The following LINGO2 variants were observed in gnomAD, a reference collection of about 807,000 sequenced individuals.
LINGO2 encodes the protein leucine rich repeat and Ig domain containing 2.
In LINGO2, 14 loss-of-function variants were observed where a neutral mutation model predicts 30.6. That is an observed-to-expected ratio of 0.46 (90% CI 0.30 to 0.72). The LOEUF (loss-of-function observed/expected upper bound fraction) is 0.72. Among genes scored for constraint, LINGO2 ranks in the 30% least tolerant of loss-of-function variants. LINGO2 has a pLI of 0.07. For missense variants in LINGO2, 729 were observed against 751.7 expected (o/e 0.97, Z 0.35); for synonymous variants, 317 against 288.5 (o/e 1.10, Z -1.00).
intron 4 of LINGO2, among the ~76,000 whole-genome samples, chr9:28,053,123 A>G (rs1045121245): frequency 6.8e-6 from 1 of 147,836 alleles, no homozygotes; most frequent in African/African-American, 2.7e-5. Context: ...AGGTATAATG[A>G]GAGTCATAGG....
the LINGO2 span, among the ~76,000 whole-genome samples, chr9:28,811,243 A>G: frequency 6.6e-6 from 1 of 152,074 alleles, no homozygotes; most frequent in Non-Finnish European, 1.5e-5. Flanking sequence ...ACTCCAAATC[A>G]TATCTTGAAA....
chr9:28,577,473 T>A (rs1261210745), intron 1 of LINGO2, among the ~76,000 whole-genome samples: 2 of 152,010 alleles, frequency 1.3e-5, no homozygotes, highest in Non-Finnish European at 2.9e-5. Flanking sequence ...CAGCAACCAT[T>A]CCCTAACCCA....
chr9:27,985,066 A>G (rs1821060582), intron 5 of LINGO2, among the ~76,000 whole-genome samples: 1 of 151,888 alleles, frequency 6.6e-6, no homozygotes, highest in Non-Finnish European at 1.5e-5. Flanking sequence ...TTTTAGTTTA[A>G]CAGTTTAGGT....
At chr9:28,892,571 C>G in the LINGO2 span, among the ~76,000 whole-genome samples, 2 of 151,838 alleles carry the variant, frequency 1.3e-5, no homozygotes, top group Non-Finnish European at 2.9e-5. Context: ...AGCAACTTAA[C>G]ATGTAAATAA....
At chr9:28,687,401 A>G in the LINGO2 span, among the ~76,000 whole-genome samples, 3 of 152,136 alleles carry the variant, frequency 2.0e-5, no homozygotes, top group Admixed American at 1.3e-4. Context: ...AGTTTCAACT[A>G]AACAGTCATG....
the LINGO2 span, among the ~76,000 whole-genome samples, chr9:28,873,652 A>G: frequency 5.9e-3 from 905 of 152,180 alleles, 6 homozygotes; most frequent in African/African-American, 0.021. Flanking sequence ...CCCCCCAAGG[A>G]TGTCAGTTTT....
At chr9:28,501,826 G>A (rs962170397) in intron 1 of LINGO2, among the ~76,000 whole-genome samples, 1 of 152,062 alleles carries the variant, frequency 6.6e-6, no homozygotes, top group Admixed American at 6.6e-5. Context: ...CAATGTAATT[G>A]ATTTAGAATG....
At chr9:28,544,749 ATAT>A (rs1328909889) in intron 1 of LINGO2, among the ~76,000 whole-genome samples, 2 of 149,422 alleles carry the variant, frequency 1.3e-5, no homozygotes, top group African/African-American at 2.4e-5. Context: ...CTATTATATG[ATAT>A]TATGTTATAT....
chr9:28,529,611 T>C (rs1264134296), intron 1 of LINGO2, among the ~76,000 whole-genome samples: 1 of 151,498 alleles, frequency 6.6e-6, no homozygotes, highest in East Asian at 1.9e-4. Flanking sequence ...AAATACTTTT[T>C]TTTTTTTTTT....
chr9:28,215,455 C>A (rs976115502), intron 4 of LINGO2, among the ~76,000 whole-genome samples: 3 of 151,730 alleles, frequency 2.0e-5, no homozygotes, highest in Admixed American at 2.0e-4. Context: ...GAAATCTATG[C>A]TCATTTGCAC....
At chr9:28,967,785 G>A in the LINGO2 span, among the ~76,000 whole-genome samples, 2 of 152,152 alleles carry the variant, frequency 1.3e-5, no homozygotes, top group African/African-American at 2.4e-5. Flanking sequence ...CACTAAAACT[G>A]TAAGATGTAT....
intron 1 of LINGO2, among the ~76,000 whole-genome samples, chr9:28,517,071 C>T (rs1032676603): frequency 6.6e-6 from 1 of 152,160 alleles, no homozygotes; most frequent in African/African-American, 2.4e-5. Flanking sequence ...GCCTGGTAGG[C>T]AGAATAACTA....
At chr9:28,726,827 G>C in the LINGO2 span, among the ~76,000 whole-genome samples, 2 of 152,122 alleles carry the variant, frequency 1.3e-5, no homozygotes, top group Non-Finnish European at 2.9e-5. Flanking sequence ...TCATATATTT[G>C]TTATATTCCA....
At chr9:29,134,224 A>G in the LINGO2 span, among the ~76,000 whole-genome samples, 1 of 152,158 alleles carries the variant, frequency 6.6e-6, no homozygotes, top group African/African-American at 2.4e-5. Context: ...TTCTTATTTG[A>G]TATCAATTTA....
At chr9:29,154,436 T>C in the LINGO2 span, among the ~76,000 whole-genome samples, 4 of 124,714 alleles carry the variant, frequency 3.2e-5, no homozygotes, top group South Asian at 2.6e-4. Flanking sequence ...GGCGACAGAG[T>C]GCGACTCCGT....
At chr9:28,178,147 G>A (rs1828799316) in intron 4 of LINGO2, among the ~76,000 whole-genome samples, 2 of 152,024 alleles carry the variant, frequency 1.3e-5, no homozygotes, top group Admixed American at 1.3e-4. Context: ...GAAACTGACT[G>A]GCAAAACATT....
the LINGO2 span, among the ~76,000 whole-genome samples, chr9:29,129,804 G>T: frequency 2.6e-5 from 4 of 152,202 alleles, no homozygotes; most frequent in African/African-American, 9.6e-5. Context: ...GGTAGGTAAG[G>T]TTGTAGAGAT....
chr9:28,567,236 C>A (rs984379256), intron 1 of LINGO2, among the ~76,000 whole-genome samples: 24 of 152,138 alleles, frequency 1.6e-4, no homozygotes, highest in African/African-American at 5.8e-4. Flanking sequence ...TAGAAAATTT[C>A]TCAAAGAATT....
chr9:28,184,581 A>C (rs1819475616), intron 4 of LINGO2, among the ~76,000 whole-genome samples: 1 of 148,840 alleles, frequency 6.7e-6, no homozygotes, highest in South Asian at 2.3e-4. Context: ...GGAGGGTAAG[A>C]GGGGGGAGAG....
Sources: allele counts gnomAD v4.1 joint callset (sites outside exome capture counted in the v4.1 genomes callset), GRCh38; gene constraint gnomAD v4.1.1; transcripts MANE v1.5; gene names NCBI Gene and HGNC (gene_info 2026-07-23, HGNC 2026-07-21).